RABGAP1: variants seen among roughly 807,000 people sequenced by gnomAD.
RABGAP1 encodes the protein RAB GTPase activating protein 1.
RABGAP1 carries 23 observed loss-of-function variants against 137.6 expected under a neutral mutation model. The observed-to-expected ratio is 0.17, with a 90% CI of 0.12 to 0.24. The LOEUF is 0.24. Among genes scored for constraint, RABGAP1 ranks in the 10% least tolerant of loss-of-function variants. RABGAP1 has a pLI of 1.00. For synonymous variants in RABGAP1, 451 were observed against 450.7 expected, an observed-to-expected ratio of 1.00 and a Z score of -0.01; for missense variants, 906 against 1,275.8, an observed-to-expected ratio of 0.71 and a Z score of 4.42.
chr9:123,009,522 G>A (rs183687346), intron 10 of RABGAP1, among the ~76,000 whole-genome samples: 9 of 151,810 alleles, frequency 5.9e-5, no homozygotes, highest in African/African-American at 1.9e-4. Flanking sequence ...TTTTCCTATA[G>A]CTCTCCCTTT....
chr9:122,938,621 A>G (rs1483028903), upstream of RABGAP1: 1 of 152,244 alleles, frequency 6.6e-6, no homozygotes, highest in Non-Finnish European at 1.5e-5. Context: ...TCCAGTGGTC[A>G]ATATTAGCAT....
At chr9:123,007,076 T>G (rs2030344770) in intron 10 of RABGAP1, among the ~76,000 whole-genome samples, 2 of 104,902 alleles carry the variant, frequency 1.9e-5, no homozygotes, top group African/African-American at 7.2e-5. Flanking sequence ...GTTTTTCATT[T>G]GTTTGTGGGT....
the RABGAP1 span, among the ~76,000 whole-genome samples, chr9:122,932,495 A>T: frequency 7.9e-3 from 1,196 of 151,740 alleles, 7 homozygotes; most frequent in Non-Finnish European, 9.7e-3. Flanking sequence ...TTCATTTCTA[A>T]GTATTTTCTA....
chr9:123,042,989 C>T (rs1012978683), intron 13 of RABGAP1, among the ~76,000 whole-genome samples: 1 of 151,988 alleles, frequency 6.6e-6, no homozygotes, highest in African/African-American at 2.4e-5. Flanking sequence ...GACTTTTTGC[C>T]ACAATAAAGC....
At chr9:123,082,250 A>G (rs989713161) in intron 19 of RABGAP1, among the ~76,000 whole-genome samples, 1 of 152,120 alleles carries the variant, frequency 6.6e-6, no homozygotes, top group African/African-American at 2.4e-5. Flanking sequence ...CTCCTAAACT[A>G]AAATTTAACA....
At chr9:122,996,453 C>G (rs1287942639) in intron 7 of RABGAP1, 86 bp from the exon 8 acceptor site, 1 of 1,302,168 alleles carries the variant, frequency 7.7e-7, no homozygotes, top group Non-Finnish European at 1.1e-6. Context: ...TTTCTATCAG[C>G]AAGAATTTGT....
intron 2 of RABGAP1, among the ~76,000 whole-genome samples, chr9:122,980,056 A>C (rs938037854): frequency 6.6e-6 from 1 of 152,194 alleles, no homozygotes; most frequent in African/African-American, 2.4e-5. Flanking sequence ...CTGGTCTGCC[A>C]CCTGTTTTTG....
Position 123,020,161 on chromosome 9 carries a change from C to G in RABGAP1, c.1644-148C>G, listed in dbSNP as rs567731260. 421 of 569,934 alleles carry G rather than the reference C, an allele frequency of 7.4e-4. 12 individuals carry two copies. In the South Asian group the frequency reaches 0.026, roughly 36 times the overall value. The allele number at this position is 569,934 out of a possible 1,614,324, so 35.3% of individuals were successfully genotyped here. The stretch of plus-strand genomic sequence containing the variant: ...TCTCTCTTAGTTATCTTGGCCTCAT[C>G]TAATTCAGAAGCACTTTTTTTTCCC... On this transcript the variant is annotated intron_variant, in intron 12 of 25. Transcript: ENST00000373647.
intron 2 of RABGAP1, among the ~76,000 whole-genome samples, chr9:122,982,026 G>A (rs1254873426): frequency 6.7e-6 from 1 of 150,154 alleles, no homozygotes; most frequent in Non-Finnish European, 1.5e-5. Flanking sequence ...TCCAGCCTGG[G>A]CAACAGAGCA....
intron 21 of RABGAP1, among the ~76,000 whole-genome samples, chr9:123,093,076 C>T (rs1173928044): frequency 3.9e-5 from 6 of 152,104 alleles, no homozygotes; most frequent in Non-Finnish European, 8.8e-5. Context: ...GAGTGTGGGG[C>T]CCTTTCATTA....
chr9:123,056,481 CTTTTT>C (rs530004900), intron 13 of RABGAP1, among the ~76,000 whole-genome samples: 1 of 131,850 alleles, frequency 7.6e-6, no homozygotes, highest in African/African-American at 2.8e-5. Flanking sequence ...TTTCTTTTTT[CTTTTT>C]TTTTTTTTTT....
intron 10 of RABGAP1, among the ~76,000 whole-genome samples, chr9:123,006,658 A>T (rs2030300930): frequency 6.6e-6 from 1 of 152,166 alleles, no homozygotes; most frequent in Admixed American, 6.5e-5. Flanking sequence ...CCCAGGCTAG[A>T]GTGCAATGGT....
Position 123,098,706 on chromosome 9 carries a change from T to C in RABGAP1, c.2734-9T>C, listed in dbSNP as rs2132241720. 1 of 1,608,858 alleles carries C rather than the reference T, an allele frequency of 6.2e-7. No individual in the cohort carries two copies. Among genetic ancestry groups the C allele is most frequent in the Non-Finnish European group, 8.5e-7 (1 of 1,177,822 alleles). The stretch of plus-strand genomic sequence containing the variant: ...TAACATAGTCCCTTTTGTTTTTTTA[T>C]GTGTGCAGTTAAAAGAAATGTGCCG... On this transcript the variant is annotated splice_polypyrimidine_tract_variant and intron_variant, in intron 22 of 25. Coordinates refer to ENST00000373647, the MANE Select transcript of RABGAP1 (RefSeq NM_012197.4).
chr9:123,088,732 T>TTATA (rs2132207588), intron 19 of RABGAP1, among the ~76,000 whole-genome samples: 1 of 152,226 alleles, frequency 6.6e-6, no homozygotes, highest in East Asian at 1.9e-4. Flanking sequence ...TTGCCCTTGG[T>TTATA]TATAGTTTAG....
At chr9:122,947,529 G>A (rs1212735722) in intron 1 of RABGAP1, among the ~76,000 whole-genome samples, 1 of 152,130 alleles carries the variant, frequency 6.6e-6, no homozygotes, top group African/African-American at 2.4e-5. Context: ...TAAAAAAGAT[G>A]TTTTAAAGTT....
At chr9:123,101,539 C>T (rs774817811) in intron 24 of RABGAP1, 27 bp from the exon 25 acceptor site, 6 of 1,603,872 alleles carry the variant, frequency 3.7e-6, no homozygotes, top group East Asian at 4.5e-5. Context: ...TCTTCTTTGC[C>T]TCTTCACATC....
intron 2 of RABGAP1, among the ~76,000 whole-genome samples, chr9:122,971,485 C>G (rs1835470568): frequency 6.6e-6 from 1 of 152,058 alleles, no homozygotes; most frequent in African/African-American, 2.4e-5. Flanking sequence ...TTAGCAAACC[C>G]CAGCAGAACT....
At chr9:122,979,126 A>G (rs1835919859) in intron 2 of RABGAP1, among the ~76,000 whole-genome samples, 1 of 152,034 alleles carries the variant, frequency 6.6e-6, no homozygotes, top group African/African-American at 2.4e-5. Flanking sequence ...TCAAACTCCT[A>G]GAGACACACA....
At chr9:123,085,516 C>G (rs564291083) in intron 19 of RABGAP1, among the ~76,000 whole-genome samples, 1 of 152,264 alleles carries the variant, frequency 6.6e-6, no homozygotes, top group South Asian at 2.1e-4. Context: ...TTAAACAGAA[C>G]AAGGATTGAA....
Sources: gnomAD v4.1 joint callset for allele counts (sites outside exome capture counted in the v4.1 genomes callset) on GRCh38, gnomAD v4.1.1 for gene constraint, MANE v1.5 for transcripts, NCBI Gene and HGNC (gene_info 2026-07-23, HGNC 2026-07-21) for gene names.